IBTK: variants seen among roughly 807,000 people sequenced by gnomAD.
IBTK encodes inhibitor of Bruton tyrosine kinase, also known as BTK-binding protein.
IBTK carries 83 observed loss-of-function variants against 154.9 expected under a neutral mutation model. The observed-to-expected ratio is 0.54, with a 90% CI of 0.45 to 0.64. The LOEUF (loss-of-function observed/expected upper bound fraction) is 0.64. Ranked by LOEUF, IBTK falls within the 30% of genes least tolerant of loss-of-function variation. The probability of loss-of-function intolerance (pLI) is 0.00; values close to 1 mark genes in which losing one functional copy is unlikely to be tolerated. For synonymous variants in IBTK, 515 were observed against 536.1 expected (o/e 0.96, Z 0.54); for missense variants, 1,332 against 1,584.6 (o/e 0.84, Z 2.71).
In IBTK at chr6:82,185,721, T is replaced by C. The variant is rs116448849; in HGVS notation, c.3576-3693A>G. Among the ~76,000 whole-genome samples, 770 of 152,074 alleles carry C rather than the reference T, an allele frequency of 5.1e-3. 12 individuals are homozygous for C. Among genetic ancestry groups the C allele is most frequent in the African/African-American group, 0.018 (728 of 41,482 alleles). ...CATAATTTTATAATCACATGAAAAA[T>C]TATATCATATTATATTCACTCAATA... is the stretch of plus-strand genomic sequence containing the variant. On this transcript the variant is annotated intron_variant, in intron 25 of 28. Transcript: ENST00000306270.
intron 16 of IBTK, among the ~76,000 whole-genome samples, chr6:82,210,105 T>G (rs980113812): frequency 6.6e-6 from 1 of 152,218 alleles, no homozygotes; most frequent in African/African-American, 2.4e-5. Flanking sequence ...AAAGTTACTG[T>G]TTTGCCTAAC....
Position 82,196,286 on chromosome 6 carries a change from C to CA in IBTK, c.3174+11dup. The CA allele has an allele frequency of 6.3e-7, 1 of 1,581,698 alleles. No homozygotes were observed. The highest frequency in any genetic ancestry group is 8.6e-7 in the Non-Finnish European group (1 of 1,166,164). The stretch of plus-strand genomic sequence containing the variant: ...ATCTGAAGGTAAGGAGGTAGTGCTT[C>CA]AAAAAACAAACCTCAATCTTATCTG... On this transcript the variant is annotated intron_variant, in intron 22 of 28. Coordinates refer to ENST00000306270, the MANE Select transcript of IBTK (RefSeq NM_015525.4).
intron 12 of IBTK, among the ~76,000 whole-genome samples, chr6:82,213,764 C>T (rs116872460): frequency 0.015 from 2,319 of 152,092 alleles, 23 homozygotes; most frequent in Non-Finnish European, 0.025. Flanking sequence ...TTAATGTAAT[C>T]CAAGAAGTCC....
chr6:82,219,059 C>A (rs996593048), intron 9 of IBTK, among the ~76,000 whole-genome samples: 3 of 151,998 alleles, frequency 2.0e-5, no homozygotes, highest in Non-Finnish European at 4.4e-5. Context: ...ATACTCAACT[C>A]TTTTATGTAA....
At chr6:82,215,780 CAA>C (rs59634766) in intron 11 of IBTK, among the ~76,000 whole-genome samples, 993 of 82,058 alleles carry the variant, frequency 0.012, 2 homozygotes, top group Non-Finnish European at 0.015. Flanking sequence ...GACTCCATCT[CAA>C]AAAAAAAAAA....
intron 9 of IBTK, among the ~76,000 whole-genome samples, chr6:82,219,178 T>C (rs1406005818): frequency 6.6e-6 from 1 of 152,090 alleles, no homozygotes; most frequent in East Asian, 1.9e-4. Flanking sequence ...GTTTGTTACA[T>C]AGGTAAACGT....
chr6:82,195,875 T>G (rs1582202547), intron 22 of IBTK, among the ~76,000 whole-genome samples: 1 of 152,150 alleles, frequency 6.6e-6, no homozygotes, highest in Non-Finnish European at 1.5e-5. Context: ...CCAAATTGTT[T>G]TGCTCCAGTT....
chr6:82,201,680 A>G (rs147460013), intron 18 of IBTK, among the ~76,000 whole-genome samples, 198 bp from the exon 19 acceptor site: 1 of 152,188 alleles, frequency 6.6e-6, no homozygotes, highest in Non-Finnish European at 1.5e-5. Context: ...ACAGCAAAGC[A>G]AACATATTAC....
chr6:82,234,108 G>T, intron 3 of IBTK, 51 bp downstream of exon 3: 1 of 845,082 alleles, frequency 1.2e-6, no homozygotes, highest in East Asian at 2.7e-5. Flanking sequence ...CAAATTGCTG[G>T]GATTACAGGT....
chr6:82,214,687 A>C lies in IBTK; in HGVS notation c.1744T>G (p.Leu582Val). 1 of 1,614,110 alleles carries C rather than the reference A, an allele frequency of 6.2e-7. No homozygotes were observed. Among genetic ancestry groups the C allele is most frequent in the South Asian group, 1.1e-5 (1 of 91,084 alleles). The change falls in exon 12 of 29, where the codon TTG becomes GTG. Residue 582 changes from leucine to valine, a missense_variant. This residue lies in a region of IBTK where 1,134 missense variants were observed against 1,274.7 expected (regional missense o/e 0.89). Transcript: ENST00000306270. ...NRLFPAHKYI[L>V]AVHSDFFQKL... ...TGAAAAAAATCAGAATGCACTGCCA[A>C]AATATATTTATGTGCAGGGAAGAGT...
At chr6:82,176,520 TCA>T (rs1768122214) in intron 26 of IBTK, among the ~76,000 whole-genome samples, 1 of 70,860 alleles carries the variant, frequency 1.4e-5, no homozygotes, top group African/African-American at 5.8e-5. Context: ...AGAGTCCGTC[TCA>T]AAAAAAAAAA....
chr6:82,174,921 T>C (rs1768055353), intron 26 of IBTK: 1 of 455,436 alleles, frequency 2.2e-6, no homozygotes, highest in Non-Finnish European at 4.4e-6. Flanking sequence ...ATTCCCCTTA[T>C]TCTGGAATAT....
intron 25 of IBTK, among the ~76,000 whole-genome samples, chr6:82,187,475 A>T (rs1311783093): frequency 6.6e-6 from 1 of 152,204 alleles, no homozygotes; most frequent in Non-Finnish European, 1.5e-5. Flanking sequence ...CCTAAAGTGT[A>T]CAGCAAAGTA....
At chr6:82,175,125 C>G (rs1038276993) in intron 26 of IBTK, 14 of 300,630 alleles carry the variant, frequency 4.7e-5, no homozygotes, top group African/African-American at 3.1e-4. Flanking sequence ...TCAGTGTCCA[C>G]CAGAATACTT....
At chr6:82,225,234 C>CTT (rs1770249871) in intron 6 of IBTK, among the ~76,000 whole-genome samples, 1 of 151,948 alleles carries the variant, frequency 6.6e-6, no homozygotes, top group African/African-American at 2.4e-5. Context: ...CGCTTGAACC[C>CTT]GAGGGGCAGA....
intron 4 of IBTK, among the ~76,000 whole-genome samples, chr6:82,229,513 T>C (rs1770422723): frequency 6.6e-6 from 1 of 152,032 alleles, no homozygotes; most frequent in South Asian, 2.1e-4. Flanking sequence ...ACAATTCCAA[T>C]CAATCATTAG....
chr6:82,225,313 AAATAATAATAAT>A (rs1020002629), intron 6 of IBTK, among the ~76,000 whole-genome samples, 152 bp downstream of exon 6: 1 of 151,782 alleles, frequency 6.6e-6, no homozygotes, highest in Non-Finnish European at 1.5e-5. Flanking sequence ...CTGTCTCAAA[AAATAATAATAAT>A]AATAATAAAT....
intron 2 of IBTK, among the ~76,000 whole-genome samples, chr6:82,238,578 C>T (rs534213443): frequency 6.6e-6 from 1 of 152,168 alleles, no homozygotes; most frequent in South Asian, 2.1e-4. Context: ...GCTAGGATTA[C>T]AGGCATGTGC....
rs112735117 is a variant in IBTK at position 82,180,912 on chromosome 6, T to C, written c.3725+967A>G. On this transcript the variant is annotated intron_variant, in intron 26 of 28. Transcript: ENST00000306270. ...CACTTGAATTGGACATAACATATCT[T>C]ACTTATTTTGTTTTGTTTTGTCTGA... Among the ~76,000 whole-genome samples, 464 of 152,262 alleles carry C rather than the reference T, an allele frequency of 3.0e-3. 4 individuals are homozygous for C. Among genetic ancestry groups the C allele is most frequent in the African/African-American group, 0.01 (429 of 41,536 alleles).
Sources: allele counts gnomAD v4.1 joint callset (sites outside exome capture counted in the v4.1 genomes callset), GRCh38; gene constraint gnomAD v4.1.1; regional missense constraint gnomAD v4.1.1; transcripts MANE v1.5; gene names NCBI Gene and HGNC (gene_info 2026-07-23, HGNC 2026-07-21).